GSE1: variants seen among roughly 807,000 people sequenced by gnomAD.
GSE1 encodes the protein Gse1 coiled-coil protein.
Under a neutral mutation model 112.6 loss-of-function variants are expected in GSE1, and 32 were observed. The observed-to-expected ratio is 0.28, with a 90% confidence interval of 0.21 to 0.38. GSE1 has a LOEUF of 0.38. Among genes scored for constraint, GSE1 ranks in the 10% least tolerant of loss-of-function variants. The pLI, the probability that GSE1 is intolerant of heterozygous loss-of-function variation, is 1.00. For missense variants in GSE1, 2,348 were observed against 1,699.2 expected (o/e 1.38, Z -6.71); for synonymous variants, 1,115 against 735.6 (o/e 1.52, Z -8.35).
chr16:85,273,203 T>A (rs376399125), intron 1 of GSE1, among the ~76,000 whole-genome samples: 2 of 152,220 alleles, frequency 1.3e-5, no homozygotes, highest in East Asian at 3.8e-4. Context: ...GGTGTCCCCA[T>A]CACTAGGGTT....
chr16:85,296,343 G>A (rs925251484), intron 1 of GSE1, among the ~76,000 whole-genome samples: 4 of 152,112 alleles, frequency 2.6e-5, no homozygotes, highest in South Asian at 2.1e-4. Context: ...AGTGGCTCCC[G>A]CCTATAATCC....
At chr16:85,342,522 G>A (rs948009635) in intron 1 of GSE1, among the ~76,000 whole-genome samples, 2 of 152,094 alleles carry the variant, frequency 1.3e-5, no homozygotes, top group South Asian at 2.1e-4. Context: ...CGTGGGCCTC[G>A]GCAGCCCCAC....
chr16:85,620,244 CGCACCACT>C (rs2048646085), intron 1 of GSE1, among the ~76,000 whole-genome samples: 1 of 152,182 alleles, frequency 6.6e-6, no homozygotes, highest in Admixed American at 6.5e-5. Context: ...GAGCTGTGAT[CGCACCACT>C]GCACCCCAGC....
At chr16:85,361,873 GCCCACAGAGC>G (rs1481790974) in intron 2 of GSE1, among the ~76,000 whole-genome samples, 48 of 152,348 alleles carry the variant, frequency 3.2e-4, no homozygotes, top group African/African-American at 9.6e-4. Flanking sequence ...TCCCGGGGCA[GCCCACAGAGC>G]TTATCAGACT....
intron 1 of GSE1, among the ~76,000 whole-genome samples, chr16:85,600,423 C>T (rs184933215): frequency 6.6e-6 from 1 of 152,202 alleles, no homozygotes; most frequent in Admixed American, 6.5e-5. Flanking sequence ...TGAGGGCTCT[C>T]TCGAGGACCA....
chr16:85,658,121 G>A (rs1047391147), intron 8 of GSE1, among the ~76,000 whole-genome samples: 1 of 152,216 alleles, frequency 6.6e-6, no homozygotes, highest in Non-Finnish European at 1.5e-5. Context: ...ACTGTGTGGT[G>A]GTCCCTTGGA....
At position 85,666,120 on chromosome 16, in the gene GSE1, C is replaced by T. The variant is rs2052836246; in HGVS notation, c.2903C>T (p.Pro968Leu). The change falls in exon 13 of 16, where the codon CCT (proline) becomes CTT (leucine). Residue 968 changes from proline to leucine, a missense_variant. By Grantham distance (98) the Pro-to-Leu change is moderately conservative. Coordinates refer to ENST00000253458, the MANE Select transcript of GSE1 (RefSeq NM_014615.5). The part of the protein sequence containing the change: ...QELSRVQELA[P>L]ASGEKARLSE... ...CTGTCGAGAGTCCAGGAGCTAGCTC[C>T]TGCCAGCGGGGAGAAGGCCAGGCTG... The T allele has an allele frequency of 1.2e-6, 2 of 1,613,174 alleles. No individual in the cohort carries two copies. Among genetic ancestry groups the T allele is most frequent in the Admixed American group, 3.3e-5 (2 of 59,992 alleles).
intron 2 of GSE1, among the ~76,000 whole-genome samples, chr16:85,483,766 G>A (rs192799742): frequency 6.6e-5 from 10 of 152,374 alleles, no homozygotes; most frequent in Admixed American, 2.0e-4. Context: ...GGTGCTTGCC[G>A]CCGGGATGCT....
In GSE1 at chr16:85,288,989, G is replaced by C. The variant is rs554816243; in HGVS notation, c.2284-68474G>C. 4.6e-5 allele frequency among the ~76,000 whole-genome samples: 7 copies of C among 152,308 alleles called. No homozygotes were observed. In the South Asian group the frequency reaches 1.4e-3, roughly 32 times the overall value. Reference sequence around the variant, plus strand: ...GTCAGCGAGAAAACAATGGTGTCAGGCTCTCCTGAGCCTCGGCCACCTTCC... The same window carrying C: ...GTCAGCGAGAAAACAATGGTGTCAGCCTCTCCTGAGCCTCGGCCACCTTCC... On this transcript the variant is annotated intron_variant, in intron 1 of 2. Coordinates refer to the GSE1 transcript ENST00000637419.
At chr16:85,172,257 G>T (rs781323137) in intron 1 of GSE1, among the ~76,000 whole-genome samples, 2 of 152,212 alleles carry the variant, frequency 1.3e-5, no homozygotes, top group Non-Finnish European at 2.9e-5. Context: ...CTCCGTTCTA[G>T]CTCCCGTGTG....
chr16:85,375,092 G>A (rs1360282515), intron 2 of GSE1, among the ~76,000 whole-genome samples: 1 of 152,220 alleles, frequency 6.6e-6, no homozygotes, highest in Non-Finnish European at 1.5e-5. Flanking sequence ...ATCAAGGGGA[G>A]TCAGCAGCCC....
intron 1 of GSE1, among the ~76,000 whole-genome samples, chr16:85,183,446 G>A (rs963168540): frequency 1.9e-4 from 29 of 152,182 alleles, no homozygotes; most frequent in Admixed American, 5.2e-4. Context: ...GGTACAGGGT[G>A]GGGTTGGAGA....
intron 1 of GSE1, among the ~76,000 whole-genome samples, chr16:85,228,265 C>T (rs1012779868): frequency 1.2e-4 from 19 of 152,336 alleles, no homozygotes; most frequent in African/African-American, 3.6e-4. Context: ...GGCTTTGCGA[C>T]GGGTTTGTTT....
intron 2 of GSE1, among the ~76,000 whole-genome samples, chr16:85,379,787 T>C (rs2047505145): frequency 6.6e-6 from 1 of 152,206 alleles, no homozygotes; most frequent in South Asian, 2.1e-4. Context: ...CCAGCAGCCA[T>C]GGCCTAGGGG....
At chr16:85,181,188 T>A (rs1026725261) in intron 1 of GSE1, among the ~76,000 whole-genome samples, 2 of 152,230 alleles carry the variant, frequency 1.3e-5, no homozygotes, top group Non-Finnish European at 2.9e-5. Flanking sequence ...ACCGGCTAAC[T>A]TGGTGACCTT....
At chr16:85,333,981 A>T (rs2046429514) in intron 1 of GSE1, among the ~76,000 whole-genome samples, 1 of 152,004 alleles carries the variant, frequency 6.6e-6, no homozygotes. Flanking sequence ...TACTGTGACA[A>T]CCAAAATGTC....
At chr16:85,398,318 C>A (rs924856334) in intron 2 of GSE1, among the ~76,000 whole-genome samples, 1 of 152,086 alleles carries the variant, frequency 6.6e-6, no homozygotes. Flanking sequence ...GACACTGAGG[C>A]CTGAGGGGTC....
At chr16:85,565,410 A>C (rs377758040) in intron 1 of GSE1, among the ~76,000 whole-genome samples, 1 of 149,558 alleles carries the variant, frequency 6.7e-6, no homozygotes, top group Non-Finnish European at 1.5e-5. Context: ...AAAAAACAAA[A>C]AAAAACAAAA....
chr16:85,345,480 T>C (rs1434312851), intron 1 of GSE1, among the ~76,000 whole-genome samples: 1 of 152,222 alleles, frequency 6.6e-6, no homozygotes, highest in Non-Finnish European at 1.5e-5. Flanking sequence ...CTGTTCCTTG[T>C]TCCAGGAACA....
Sources: allele counts gnomAD v4.1 joint callset (sites outside exome capture counted in the v4.1 genomes callset), GRCh38; gene constraint gnomAD v4.1.1; transcripts MANE v1.5; gene names NCBI Gene and HGNC (gene_info 2026-07-23, HGNC 2026-07-21).